The following ADAMTSL1 variants were observed in gnomAD, a reference collection of about 807,000 sequenced individuals.
ADAMTSL1 encodes ADAMTS-like protein 1.
In ADAMTSL1, 126 loss-of-function variants were observed where a neutral mutation model predicts 201.8. That is an observed-to-expected ratio of 0.62 (90% confidence interval 0.54 to 0.72). The LOEUF is 0.72. Among genes scored for constraint, ADAMTSL1 ranks in the 30% least tolerant of loss-of-function variants. ADAMTSL1 has a pLI of 0.00. For missense variants in ADAMTSL1, 2,679 were observed against 2,277.8 expected, an observed-to-expected ratio of 1.18 and a Z score of -3.59; for synonymous variants, 1,121 against 903.4, an observed-to-expected ratio of 1.24 and a Z score of -4.32.
intron 1 of ADAMTSL1, among the ~76,000 whole-genome samples, chr9:18,150,709 G>C (rs995694494): frequency 1.3e-5 from 2 of 151,634 alleles, no homozygotes; most frequent in African/African-American, 4.8e-5. Flanking sequence ...TATAGAGGAG[G>C]GGGGAGAGTA....
chr9:18,060,224 T>C (rs1286455830), intron 1 of ADAMTSL1, among the ~76,000 whole-genome samples: 2 of 152,204 alleles, frequency 1.3e-5, no homozygotes, highest in Non-Finnish European at 2.9e-5. Flanking sequence ...TACTTTGTAC[T>C]GGCTTTTACT....
intron 23 of ADAMTSL1, among the ~76,000 whole-genome samples, chr9:18,836,952 T>G (rs1452100071): frequency 6.6e-6 from 1 of 152,218 alleles, no homozygotes; most frequent in African/African-American, 2.4e-5. Flanking sequence ...TTTTGTACAT[T>G]GATTCTGTAT....
chr9:18,658,165 G>A (rs1482030989), intron 8 of ADAMTSL1, among the ~76,000 whole-genome samples: 6 of 152,042 alleles, frequency 3.9e-5, no homozygotes, highest in African/African-American at 1.4e-4. Context: ...TAGTACGGAC[G>A]GGGTTTCCCC....
At chr9:18,080,920 C>T (rs1035398044) in intron 1 of ADAMTSL1, among the ~76,000 whole-genome samples, 2 of 152,138 alleles carry the variant, frequency 1.3e-5, no homozygotes, top group Non-Finnish European at 2.9e-5. Context: ...TTATTTGTAA[C>T]CGTAATTCTA....
At chr9:17,931,125 A>G (rs1167022542) in intron 1 of ADAMTSL1, among the ~76,000 whole-genome samples, 1 of 152,224 alleles carries the variant, frequency 6.6e-6, no homozygotes, top group Non-Finnish European at 1.5e-5. Context: ...TGTCCCGTTC[A>G]TAATACAACA....
intron 1 of ADAMTSL1, among the ~76,000 whole-genome samples, chr9:18,161,146 A>G (rs886856133): frequency 1.3e-5 from 2 of 152,064 alleles, no homozygotes; most frequent in Non-Finnish European, 2.9e-5. Flanking sequence ...TTAAACAAAT[A>G]CACAGCTATA....
intron 2 of ADAMTSL1, among the ~76,000 whole-genome samples, chr9:18,339,560 A>C (rs138702060): frequency 6.6e-6 from 1 of 152,278 alleles, no homozygotes; most frequent in East Asian, 1.9e-4. Context: ...TTCTCAAAGA[A>C]TTTAAAACAA....
intron 1 of ADAMTSL1, among the ~76,000 whole-genome samples, chr9:18,048,887 A>G (rs574803768): frequency 1.3e-5 from 2 of 152,318 alleles, no homozygotes; most frequent in Middle Eastern, 3.4e-3. Context: ...AACAACAGAA[A>G]TGTACTTTTT....
In ADAMTSL1 at chr9:18,417,509, C is replaced by A. The variant is rs567109494; in HGVS notation, c.208-87320C>A. Among the ~76,000 whole-genome samples, 7 of 151,368 alleles carry A rather than the reference C, an allele frequency of 4.6e-5. 1 individual carries two copies. In the South Asian group the frequency reaches 1.5e-3, roughly 32 times the overall value. ...TGGATAAACATTTAAAAAGATCAAT[C>A]CAGAAAAAAGAGAGAAGAATTAAAT... On this transcript the variant is annotated intron_variant, in intron 2 of 29. Transcript: ENST00000680146.
chr9:18,534,677 C>T (rs1819647702), intron 3 of ADAMTSL1, among the ~76,000 whole-genome samples: 1 of 152,214 alleles, frequency 6.6e-6, no homozygotes, highest in Non-Finnish European at 1.5e-5. Context: ...TTTGCCTGGA[C>T]ATCCAGGCAT....
In ADAMTSL1 at chr9:18,184,404, T is replaced by C. The variant is rs150790657; in HGVS notation, c.207+20423T>C. 2.6e-5 allele frequency among the ~76,000 whole-genome samples: 4 copies of C among 152,322 alleles called. No homozygotes were observed. In the East Asian group the frequency reaches 7.7e-4, roughly 29 times the overall value. On this transcript the variant is annotated intron_variant, in intron 2 of 29. Coordinates refer to the ADAMTSL1 transcript ENST00000680146. ...TATCTAGGATTATTCAAGTATTTCC[T>C]ACACAAAACTTTTACAAGAATTTTT...
intron 2 of ADAMTSL1, among the ~76,000 whole-genome samples, chr9:18,356,102 T>TA (rs1836210802): frequency 6.6e-6 from 1 of 152,144 alleles, no homozygotes; most frequent in African/African-American, 2.4e-5. Context: ...GGCGGGTAGT[T>TA]TTACTGAGTG....
chr9:18,289,071 C>G (rs1482116022), intron 2 of ADAMTSL1, among the ~76,000 whole-genome samples: 2 of 151,890 alleles, frequency 1.3e-5, no homozygotes, highest in Non-Finnish European at 1.5e-5. Context: ...TCTGGGTTCT[C>G]CAAAGAAATA....
At chr9:18,410,623 G>T (rs922574769) in intron 2 of ADAMTSL1, among the ~76,000 whole-genome samples, 14 of 151,934 alleles carry the variant, frequency 9.2e-5, no homozygotes, top group African/African-American at 3.1e-4. Context: ...TTCTATCATT[G>T]ATGGGCATTC....
intron 2 of ADAMTSL1, among the ~76,000 whole-genome samples, chr9:18,240,341 CT>C (rs34029558): frequency 0.063 from 9,250 of 147,632 alleles, 363 homozygotes; most frequent in African/African-American, 0.1. Context: ...TAAAATGAAT[CT>C]TTTTTTTTTT....
At chr9:18,801,403 G>A (rs1822791854) in intron 20 of ADAMTSL1, among the ~76,000 whole-genome samples, 1 of 152,116 alleles carries the variant, frequency 6.6e-6, no homozygotes, top group African/African-American at 2.4e-5. Flanking sequence ...AGGTTCAGGG[G>A]TTGAATCTCC....
At chr9:18,049,560 C>G (rs1480790764) in intron 1 of ADAMTSL1, among the ~76,000 whole-genome samples, 1 of 151,796 alleles carries the variant, frequency 6.6e-6, no homozygotes, top group Non-Finnish European at 1.5e-5. Flanking sequence ...ACCAGCAGAG[C>G]CCAGTGGTAG....
chr9:18,650,491 G>A (rs751750522), intron 7 of ADAMTSL1, among the ~76,000 whole-genome samples: 2 of 152,108 alleles, frequency 1.3e-5, no homozygotes, highest in African/African-American at 4.8e-5. Flanking sequence ...CGTAGCTCAC[G>A]GTGGGAGTTG....
chr9:18,053,387 G>A (rs1488723540), intron 1 of ADAMTSL1, among the ~76,000 whole-genome samples: 4 of 152,036 alleles, frequency 2.6e-5, no homozygotes, highest in Admixed American at 1.3e-4. Flanking sequence ...TTAAAAAAAT[G>A]TTCATACTTT....
Sources: allele counts gnomAD v4.1 joint callset (sites outside exome capture counted in the v4.1 genomes callset), GRCh38; gene constraint gnomAD v4.1.1; transcripts MANE v1.5; gene names NCBI Gene and HGNC (gene_info 2026-07-23, HGNC 2026-07-21).